The following SMYD3 variants were observed in gnomAD, a reference collection of about 807,000 sequenced individuals.
SMYD3 encodes the protein SET and MYND domain containing 3.
SMYD3 carries 36 observed loss-of-function variants against 57.7 expected under a neutral mutation model. The observed-to-expected ratio is 0.62, with a 90% CI of 0.48 to 0.82. The LOEUF is 0.82. Ranked by LOEUF, SMYD3 falls within the 40% of genes least tolerant of loss-of-function variation. SMYD3 has a pLI of 0.00. For synonymous variants in SMYD3, 211 were observed against 195.0 expected (o/e 1.08, Z -0.68); for missense variants, 515 against 538.8 (o/e 0.96, Z 0.44).
At chr1:245,764,586 C>A (rs1171055744) in intron 10 of SMYD3, among the ~76,000 whole-genome samples, 1 of 151,986 alleles carries the variant, frequency 6.6e-6, no homozygotes, top group African/African-American at 2.4e-5. Flanking sequence ...TTTTCATCAT[C>A]CCCCAACTAG....
intron 11 of SMYD3, among the ~76,000 whole-genome samples, chr1:245,752,883 G>A (rs1378215832): frequency 6.6e-6 from 1 of 152,178 alleles, no homozygotes; most frequent in Non-Finnish European, 1.5e-5. Context: ...TTGAGAGTTA[G>A]ACTAAGGATG....
chr1:245,889,217 G>A (rs771093637), intron 8 of SMYD3, among the ~76,000 whole-genome samples: 1 of 152,146 alleles, frequency 6.6e-6, no homozygotes, highest in Non-Finnish European at 1.5e-5. Flanking sequence ...GTTCACTGTT[G>A]AGCCCGATTA....
intron 10 of SMYD3, among the ~76,000 whole-genome samples, chr1:245,857,354 A>G (rs896628521): frequency 6.6e-6 from 1 of 152,080 alleles, no homozygotes. Context: ...CTGGTTTACT[A>G]CCTTTGTCCA....
chr1:246,370,469 A>C (rs1346834638), intron 1 of SMYD3, among the ~76,000 whole-genome samples: 1 of 152,172 alleles, frequency 6.6e-6, no homozygotes, highest in Admixed American at 6.5e-5. Context: ...AGGGTTCAAA[A>C]CCTGCAATAC....
intron 5 of SMYD3, chr1:245,930,338 C>G (rs1157927365): frequency 8.4e-6 from 3 of 359,004 alleles, no homozygotes; most frequent in Admixed American, 7.8e-5. Context: ...ATGCAGTTTC[C>G]AAATGCCACT....
Position 245,777,427 on chromosome 1 carries a change from A to G in SMYD3, c.1077-13278T>C, listed in dbSNP as rs185743096. 1.5e-4 allele frequency among the ~76,000 whole-genome samples: 23 copies of G among 152,336 alleles called. No homozygotes were observed. The East Asian group carries it at 3.1e-3, about 20-fold the overall frequency. ...AGTGTTTATTTTTTTAAAAATAACT[A>G]TATTTTAAGGTAAGAAAATCAGGAT... is the stretch of plus-strand genomic sequence containing the variant. On this transcript the variant is annotated intron_variant, in intron 10 of 11. Coordinates refer to ENST00000490107, the MANE Select transcript of SMYD3 (RefSeq NM_001167740.2).
chr1:246,335,731 T>C (rs1378114081), intron 2 of SMYD3, among the ~76,000 whole-genome samples: 1 of 152,242 alleles, frequency 6.6e-6, no homozygotes, highest in Non-Finnish European at 1.5e-5. Flanking sequence ...ATTACCTGGC[T>C]AGTGGAGTCC....
rs923869235 is a variant in SMYD3 at position 245,798,668 on chromosome 1, G to A, written c.1077-34519C>T. Among the ~76,000 whole-genome samples the A allele has an allele frequency of 2.7e-4, 41 of 151,970 alleles. 1 individual carries two copies. The highest frequency in any genetic ancestry group is 5.7e-4 in the Non-Finnish European group (39 of 68,000). Reference sequence around the variant, plus strand: ...GTACTGGACGAGGCTGAACAGGAGCGGGGCAGCTACCCCTCCGCTACCACT... The same window carrying A: ...GTACTGGACGAGGCTGAACAGGAGCAGGGCAGCTACCCCTCCGCTACCACT... On this transcript the variant is annotated intron_variant, in intron 10 of 11. Coordinates refer to ENST00000490107, the MANE Select transcript of SMYD3 (RefSeq NM_001167740.2).
chr1:246,054,225 C>T (rs1469383388), intron 5 of SMYD3, among the ~76,000 whole-genome samples: 1 of 152,012 alleles, frequency 6.6e-6, no homozygotes, highest in Non-Finnish European at 1.5e-5. Flanking sequence ...GGACTGCCAC[C>T]GAGCACGTAT....
At chr1:245,954,635 A>ACCACTG (rs1045005885) in intron 5 of SMYD3, among the ~76,000 whole-genome samples, 5 of 128,384 alleles carry the variant, frequency 3.9e-5, no homozygotes, top group African/African-American at 2.5e-4. Flanking sequence ...CCAATATAGC[A>ACCACTG]CCACTGCAGC....
chr1:246,381,403 G>A (rs1180034614), intron 1 of SMYD3, among the ~76,000 whole-genome samples: 1 of 152,176 alleles, frequency 6.6e-6, no homozygotes, highest in Non-Finnish European at 1.5e-5. Context: ...ACTTGGGATG[G>A]CATTAAAGTG....
At chr1:245,982,681 G>A (rs2058622868) in intron 5 of SMYD3, among the ~76,000 whole-genome samples, 1 of 152,046 alleles carries the variant, frequency 6.6e-6, no homozygotes, top group Non-Finnish European at 1.5e-5. Context: ...AGGAACTACG[G>A]AAACATTGCA....
Position 245,858,608 on chromosome 1 carries a change from C to G in SMYD3, c.964G>C (p.Asp322His). 1 of 1,614,168 alleles carries G rather than the reference C, an allele frequency of 6.2e-7. No homozygotes were observed. The highest frequency in any genetic ancestry group is 2.2e-5 in the East Asian group (1 of 44,870). ...ACCTTCAGCTGGTAGATGTTGATAT[C>G]GGGAAGCCGTTCAGAATTGCTGCTT... ...IISSNSERLP[D>H]INIYQLKVLD... is the part of the protein sequence containing the mutation. Residue 322 changes from aspartate (D) to histidine (H), a missense_variant, in exon 10 of 12, where the codon GAT (aspartate) becomes CAT (histidine). Asp to His is a moderately conservative substitution (Grantham distance 81, BLOSUM62 -1). Transcript: ENST00000490107.
intron 5 of SMYD3, among the ~76,000 whole-genome samples, chr1:246,305,656 G>A (rs2064966437): frequency 6.6e-6 from 1 of 152,136 alleles, no homozygotes; most frequent in Admixed American, 6.5e-5. Flanking sequence ...CATATTTAGA[G>A]AAACATTCTA....
chr1:246,237,167 A>C (rs887983706), intron 5 of SMYD3, among the ~76,000 whole-genome samples: 1 of 152,138 alleles, frequency 6.6e-6, no homozygotes, highest in African/African-American at 2.4e-5. Context: ...CATTTGGCAG[A>C]CAGGTTCTCT....
At chr1:246,194,410 G>A (rs996853595) in intron 5 of SMYD3, among the ~76,000 whole-genome samples, 20 of 151,916 alleles carry the variant, frequency 1.3e-4, no homozygotes, top group Admixed American at 2.6e-4. Flanking sequence ...CTGGGACTAC[G>A]GGCATGTGCC....
chr1:246,219,722 G>A (rs754221722), intron 5 of SMYD3, among the ~76,000 whole-genome samples: 49 of 152,090 alleles, frequency 3.2e-4, no homozygotes, highest in Middle Eastern at 3.2e-3. Context: ...GGGCTTTCGT[G>A]GTCACAGGCA....
intron 8 of SMYD3, among the ~76,000 whole-genome samples, chr1:245,910,985 A>G (rs2054929719): frequency 6.6e-6 from 1 of 152,136 alleles, no homozygotes; most frequent in African/African-American, 2.4e-5. Flanking sequence ...AAAAATTTGC[A>G]AAGTATTCAT....
intron 10 of SMYD3, among the ~76,000 whole-genome samples, chr1:245,854,798 T>C (rs1050167841): frequency 2.0e-5 from 3 of 152,068 alleles, no homozygotes; most frequent in African/African-American, 7.2e-5. Context: ...TGAACAGTTC[T>C]GAAGGGAAGA....
Sources: allele counts gnomAD v4.1 joint callset (sites outside exome capture counted in the v4.1 genomes callset), GRCh38; gene constraint gnomAD v4.1.1; transcripts MANE v1.5; gene names NCBI Gene and HGNC (gene_info 2026-07-23, HGNC 2026-07-21).